The following TFG variants were observed in gnomAD, a reference collection of about 807,000 sequenced individuals.
TFG encodes trafficking from ER to golgi regulator, also known as protein TFG.
TFG carries 22 observed loss-of-function variants against 51.4 expected under a neutral mutation model. The ratio of observed to expected loss-of-function variants is 0.43; its 90% CI spans 0.31 to 0.61. TFG has a LOEUF of 0.61. Among genes scored for constraint, TFG ranks in the 20% least tolerant of loss-of-function variants. The pLI, the probability that TFG is intolerant of heterozygous loss-of-function variation, is 0.12. For synonymous variants in TFG, 187 were observed against 165.6 expected, an observed-to-expected ratio of 1.13 and a Z score of -0.99; for missense variants, 419 against 487.7, an observed-to-expected ratio of 0.86 and a Z score of 1.33.
chr3:100,718,808 T>A (rs551468643), intron 2 of TFG, among the ~76,000 whole-genome samples: 2 of 152,218 alleles, frequency 1.3e-5, no homozygotes, highest in East Asian at 3.9e-4. Context: ...TCCGCCCACC[T>A]CAGCCTCCCA....
At chr3:100,729,258 A>G (rs2095084677) in intron 4 of TFG, among the ~76,000 whole-genome samples, 1 of 152,212 alleles carries the variant, frequency 6.6e-6, no homozygotes, top group Non-Finnish European at 1.5e-5. Context: ...TCATTTCATG[A>G]ATAATTACAT....
intron 6 of TFG, chr3:100,742,329 G>C (rs998235218): frequency 1.3e-5 from 2 of 152,136 alleles, no homozygotes; most frequent in African/African-American, 4.8e-5. Context: ...AGTTCCTACA[G>C]CATATCTCTG....
rs1222176547 is a variant in TFG at position 100,732,692 on chromosome 3, C to G, written c.580+20C>G. Reference sequence around the variant, plus strand: ...TTTCAGGTAAGTTGGTTTCCAACTCCTTTACACCCTTCGTTTCCTTCATCT... The same window carrying G: ...TTTCAGGTAAGTTGGTTTCCAACTCGTTTACACCCTTCGTTTCCTTCATCT... On this transcript the variant is annotated intron_variant, in intron 5 of 7. Coordinates refer to ENST00000240851, the MANE Select transcript of TFG (RefSeq NM_006070.6). 5.7e-6 allele frequency: 9 copies of G among 1,569,032 alleles called. 1 individual carries two copies. In the South Asian group the frequency reaches 9.4e-5, roughly 16 times the overall value.
intron 5 of TFG, among the ~76,000 whole-genome samples, chr3:100,735,015 T>A (rs10936349): frequency 6.6e-6 from 1 of 151,904 alleles, no homozygotes; most frequent in African/African-American, 2.4e-5. Flanking sequence ...ATGGAATGAA[T>A]ATTAACTGTA....
chr3:100,745,442 A>G (rs963419543), intron 7 of TFG, among the ~76,000 whole-genome samples: 1 of 152,210 alleles, frequency 6.6e-6, no homozygotes, highest in South Asian at 2.1e-4. Context: ...ATAAAATCGT[A>G]TAAAATGTAA....
chr3:100,731,214 T>C (rs888012075), intron 4 of TFG, among the ~76,000 whole-genome samples: 1 of 152,214 alleles, frequency 6.6e-6, no homozygotes, highest in African/African-American at 2.4e-5. Flanking sequence ...TGTCCCTTAA[T>C]TGAGTAAATG....
intron 6 of TFG, 97 bp from the exon 7 acceptor site, chr3:100,744,732 CTGTT>C (rs2149096603): frequency 7.1e-6 from 5 of 703,214 alleles, no homozygotes; most frequent in African/African-American, 3.6e-5. Flanking sequence ...TATTGTTACT[CTGTT>C]TGGATGGAGA....
intron 7 of TFG, among the ~76,000 whole-genome samples, chr3:100,745,790 T>G (rs923817063): frequency 3.3e-5 from 5 of 152,318 alleles, no homozygotes; most frequent in Middle Eastern, 3.4e-3. Flanking sequence ...ATCTGGACTA[T>G]TGCCTGTTTT....
intron 4 of TFG, among the ~76,000 whole-genome samples, chr3:100,729,063 G>T (rs952037547): frequency 6.6e-6 from 1 of 152,082 alleles, no homozygotes. Flanking sequence ...CCAATTTCTG[G>T]ATCTCATCAT....
At chr3:100,738,593 CAACCAAATTCCTT>C (rs558104514) in intron 6 of TFG, among the ~76,000 whole-genome samples, 3 of 152,308 alleles carry the variant, frequency 2.0e-5, no homozygotes, top group African/African-American at 7.2e-5. Context: ...CTGTCCACAG[CAACCAAATTCCTT>C]TTTTCAGAGG....
At chr3:100,744,740 A>T (rs2095130353) in intron 6 of TFG, 93 bp from the exon 7 acceptor site, 5 of 736,898 alleles carry the variant, frequency 6.8e-6, no homozygotes, top group Non-Finnish European at 9.5e-6. Flanking sequence ...CTCTGTTTGG[A>T]TGGAGAGGGA....
At chr3:100,717,442 A>C (rs2095049275) in intron 2 of TFG, among the ~76,000 whole-genome samples, 1 of 152,042 alleles carries the variant, frequency 6.6e-6, no homozygotes, top group African/African-American at 2.4e-5. Context: ...TTTATGAATA[A>C]TTTTATTGGT....
intron 3 of TFG, among the ~76,000 whole-genome samples, chr3:100,724,196 AGGACAAACC>A (rs1382915295): frequency 6.6e-6 from 1 of 152,178 alleles, no homozygotes; most frequent in Non-Finnish European, 1.5e-5. Flanking sequence ...CAGTTACAAA[AGGACAAACC>A]TCAAATAACT....
intron 4 of TFG, among the ~76,000 whole-genome samples, chr3:100,732,253 T>C (rs2095093670): frequency 6.6e-6 from 1 of 152,210 alleles, no homozygotes; most frequent in South Asian, 2.1e-4. Context: ...CTAATGTTTC[T>C]TACAAAAGGA....
At chr3:100,730,268 G>GT (rs2095087873) in intron 4 of TFG, among the ~76,000 whole-genome samples, 1 of 152,154 alleles carries the variant, frequency 6.6e-6, no homozygotes. Context: ...GGATTTATGA[G>GT]TTTTTTGCTT....
intron 4 of TFG, among the ~76,000 whole-genome samples, chr3:100,731,059 GAGCTGCC>G (rs2095090223): frequency 1.3e-5 from 2 of 152,290 alleles, no homozygotes; most frequent in South Asian, 4.1e-4. Context: ...AGGAATGAAT[GAGCTGCC>G]AGCCAGTGTG....
At chr3:100,744,963 G>A in intron 7 of TFG, 32 bp downstream of exon 7, 1 of 1,473,224 alleles carries the variant, frequency 6.8e-7, no homozygotes, top group Non-Finnish European at 9.4e-7. Context: ...GTTGGCTCAT[G>A]GTTTTTTGTT....
intron 2 of TFG, among the ~76,000 whole-genome samples, chr3:100,714,162 A>G (rs997526252): frequency 5.3e-5 from 8 of 151,942 alleles, no homozygotes; most frequent in African/African-American, 1.9e-4. Flanking sequence ...CTTGTATTGA[A>G]TGTGATGTTC....
intron 6 of TFG, chr3:100,742,976 C>G: frequency 6.6e-6 from 1 of 151,900 alleles, no homozygotes; most frequent in East Asian, 1.9e-4. Flanking sequence ...GTTCCTTACT[C>G]ATTGATGACC....
Sources: allele counts gnomAD v4.1 joint callset (sites outside exome capture counted in the v4.1 genomes callset), GRCh38; gene constraint gnomAD v4.1.1; transcripts MANE v1.5; gene names NCBI Gene and HGNC (gene_info 2026-07-23, HGNC 2026-07-21).